Variants in GCH1 observed in about 807,000 individuals in gnomAD.
GCH1 encodes GTP cyclohydrolase 1, also known as GTP cyclohydrolase I.
GCH1 carries 5 observed loss-of-function variants against 25.9 expected under a neutral mutation model. The ratio of observed to expected loss-of-function variants is 0.19; its 90% CI spans 0.10 to 0.41. The LOEUF (loss-of-function observed/expected upper bound fraction) is 0.41. Among genes scored for constraint, GCH1 ranks in the 10% least tolerant of loss-of-function variants. GCH1 has a pLI of 1.00. For synonymous variants in GCH1, 159 were observed against 129.6 expected, an observed-to-expected ratio of 1.23 and a Z score of -1.54; for missense variants, 261 against 336.5, an observed-to-expected ratio of 0.78 and a Z score of 1.75.
rs565339416 is a variant in GCH1, at chr14:54,869,151, G to A, written c.344-3715C>T. ...CCTCCCGGGTTCAAGCGATTCTCCTGCCTCAGCCTCCCGAGTAGCTGGGAC... is the reference window on the plus strand; with the variant it reads ...CCTCCCGGGTTCAAGCGATTCTCCTACCTCAGCCTCCCGAGTAGCTGGGAC... On this transcript the variant is annotated intron_variant, in intron 1 of 5. Coordinates refer to ENST00000491895, the MANE Select transcript of GCH1 (RefSeq NM_000161.3). 1.6e-3 allele frequency among the ~76,000 whole-genome samples: 239 copies of A among 151,858 alleles called. 2 individuals are homozygous for A. Among genetic ancestry groups the A allele is most frequent in the African/African-American group, 5.5e-3 (227 of 41,388 alleles).
At chr14:54,882,863 G>A (rs2040291145) in intron 1 of GCH1, among the ~76,000 whole-genome samples, 1 of 152,208 alleles carries the variant, frequency 6.6e-6, no homozygotes. Flanking sequence ...CAGATGAAGA[G>A]ATAAGGGATC....
intron 2 of GCH1, among the ~76,000 whole-genome samples, chr14:54,863,468 A>G (rs2039942314): frequency 6.8e-6 from 1 of 147,732 alleles, no homozygotes; most frequent in Non-Finnish European, 1.5e-5. Flanking sequence ...GTACTCCAAA[A>G]AAGTATTGAC....
chr14:54,871,158 G>A (rs1175596926), intron 1 of GCH1, among the ~76,000 whole-genome samples: 1 of 152,188 alleles, frequency 6.6e-6, no homozygotes, highest in Non-Finnish European at 1.5e-5. Flanking sequence ...AACTTCCAGA[G>A]GAACGATCAG....
At chr14:54,856,758 T>G (rs1332266225) in intron 3 of GCH1, among the ~76,000 whole-genome samples, 1 of 152,146 alleles carries the variant, frequency 6.6e-6, no homozygotes, top group Non-Finnish European at 1.5e-5. Context: ...CAGCCGAGGC[T>G]CAGTTATTTC....
chr14:54,843,677 A>T lies in GCH1; in HGVS notation c.*340T>A. The T allele has an allele frequency of 6.3e-7, 1 of 1,594,030 alleles. No homozygotes were observed. The highest frequency in any genetic ancestry group is 8.5e-7 in the Non-Finnish European group (1 of 1,172,064). ...GTTCCCTCTCATTCCCAATGCTCCTATGCTTATGAGGCAAATTACTGTACT... is the reference window on the plus strand; with the variant it reads ...GTTCCCTCTCATTCCCAATGCTCCTTTGCTTATGAGGCAAATTACTGTACT... On this transcript the variant is annotated 3_prime_UTR_variant, in exon 6 of 6. Transcript: ENST00000491895.
chr14:54,854,124 T>C (rs1030145883), intron 3 of GCH1, among the ~76,000 whole-genome samples: 10 of 152,270 alleles, frequency 6.6e-5, no homozygotes, highest in African/African-American at 1.4e-4. Context: ...TTTCAACTTG[T>C]AGATTTGTGA....
chr14:54,869,102 G>A (rs1257491967), intron 1 of GCH1, among the ~76,000 whole-genome samples: 3 of 150,608 alleles, frequency 2.0e-5, no homozygotes, highest in African/African-American at 7.3e-5. Flanking sequence ...GCAATGGCGT[G>A]GTCTCGGCTC....
rs182219790 is a variant in GCH1 at position 54,885,473 on chromosome 14, T to C, written c.343+16848A>G. The C allele has an allele frequency of 3.0e-3, 770 of 258,178 alleles. 5 individuals carry two copies. Among genetic ancestry groups the C allele is most frequent in the South Asian group, 5.3e-3 (121 of 22,752 alleles). The allele number at this position is 258,178 out of a possible 1,614,324, so 16.0% of individuals were successfully genotyped here. A position where few individuals can be genotyped will look rare whatever the true frequency, so the allele number is the denominator to read the frequency against. On this transcript the variant is annotated intron_variant, in intron 1 of 5. Transcript: ENST00000491895. ...CAACAGAGCTTCAACAGGTGATAGA[T>C]AGATGCTTCTAGAAGCATAGCATCA...
chr14:54,853,383 T>C (rs1484803558), intron 3 of GCH1, among the ~76,000 whole-genome samples: 1 of 152,238 alleles, frequency 6.6e-6, no homozygotes, highest in African/African-American at 2.4e-5. Context: ...TTTTTCCTGC[T>C]CTTCCTAGAA....
chr14:54,899,509 G>A (rs1555362617), intron 1 of GCH1, among the ~76,000 whole-genome samples: 1 of 152,014 alleles, frequency 6.6e-6, no homozygotes, highest in Non-Finnish European at 1.5e-5. Context: ...TCCGCTCCAT[G>A]GACTTTTCTT....
chr14:54,857,758 G>GA (rs141475831), intron 3 of GCH1, among the ~76,000 whole-genome samples: 2,029 of 152,278 alleles, frequency 0.013, 32 homozygotes, highest in African/African-American at 0.044. Flanking sequence ...AAGTTACTGG[G>GA]AAGGGAGTCG....
chr14:54,866,806 A>G (rs535564313), intron 1 of GCH1, among the ~76,000 whole-genome samples: 44 of 152,308 alleles, frequency 2.9e-4, no homozygotes, highest in Middle Eastern at 3.4e-3. Context: ...TGTGTCATAG[A>G]AAAGTCATTA....
chr14:54,846,325 C>A (rs2039640653), intron 4 of GCH1, among the ~76,000 whole-genome samples: 1 of 152,160 alleles, frequency 6.6e-6, no homozygotes, highest in Non-Finnish European at 1.5e-5. Flanking sequence ...AATGACTTGT[C>A]TTTTAATTCA....
intron 1 of GCH1, among the ~76,000 whole-genome samples, chr14:54,886,485 G>A (rs561699382): frequency 1.3e-5 from 2 of 152,152 alleles, no homozygotes; most frequent in African/African-American, 2.4e-5. Flanking sequence ...GGTGGTGGGT[G>A]CCTGTAGTCC....
chr14:54,867,083 T>A (rs996106645), intron 1 of GCH1, among the ~76,000 whole-genome samples: 3 of 152,208 alleles, frequency 2.0e-5, no homozygotes, highest in African/African-American at 7.2e-5. Flanking sequence ...GATTGCCACA[T>A]ATAGCTTACT....
chr14:54,900,162 G>A lies in GCH1; in HGVS notation c.343+2159C>T, dbSNP rs200442050. Among the ~76,000 whole-genome samples the A allele has an allele frequency of 2.7e-5, 4 of 145,588 alleles. No individual in the cohort carries two copies. The East Asian group carries it at 6.6e-4, about 24-fold the overall frequency. On this transcript the variant is annotated intron_variant, in intron 1 of 5. Coordinates refer to ENST00000491895, the MANE Select transcript of GCH1 (RefSeq NM_000161.3). ...TTACAGGTGTGAGCCACCGCGCCCG[G>A]CCCATGGACTTTTTAAATAGTAAAA...
At chr14:54,895,166 C>T (rs559149600) in intron 1 of GCH1, among the ~76,000 whole-genome samples, 3 of 152,248 alleles carry the variant, frequency 2.0e-5, no homozygotes, top group South Asian at 2.1e-4. Flanking sequence ...TATCTAATTG[C>T]CTCCCATTAT....
intron 5 of GCH1, 109 bp downstream of exon 5, chr14:54,845,659 A>AT (rs2039631072): frequency 1.3e-6 from 1 of 771,930 alleles, no homozygotes; most frequent in Non-Finnish European, 2.4e-6. Context: ...TACAGTTATC[A>AT]TATCAGTTGT....
chr14:54,899,148 T>C (rs2040526670), intron 1 of GCH1, among the ~76,000 whole-genome samples: 1 of 152,152 alleles, frequency 6.6e-6, no homozygotes, highest in Non-Finnish European at 1.5e-5. Flanking sequence ...CATGATTATA[T>C]TCAATTAATG....
Sources: gnomAD v4.1 joint callset for allele counts (sites outside exome capture counted in the v4.1 genomes callset) on GRCh38, gnomAD v4.1.1 for gene constraint, MANE v1.5 for transcripts, NCBI Gene and HGNC (gene_info 2026-07-23, HGNC 2026-07-21) for gene names.